The following QKI variants were observed in gnomAD, a reference collection of about 807,000 sequenced individuals.
QKI encodes QKI, KH domain containing RNA binding.
QKI carries 10 observed loss-of-function variants against 39.0 expected under a neutral mutation model. The observed-to-expected ratio is 0.26, with a 90% CI of 0.16 to 0.43. The LOEUF (loss-of-function observed/expected upper bound fraction) is 0.43. Ranked by LOEUF, QKI falls within the 20% of genes least tolerant of loss-of-function variation. The pLI is 1.00. For missense variants in QKI, 218 were observed against 428.0 expected, an observed-to-expected ratio of 0.51 and a Z score of 4.33; for synonymous variants, 204 against 155.4, an observed-to-expected ratio of 1.31 and a Z score of -2.33.
At chr6:163,502,377 A>G (rs531235847) in intron 3 of QKI, among the ~76,000 whole-genome samples, 1 of 152,262 alleles carries the variant, frequency 6.6e-6, no homozygotes, top group South Asian at 2.1e-4. Context: ...TATATTCTTA[A>G]TATTGGTTAA....
chr6:163,435,849 TTC>T (rs1418830643), intron 1 of QKI, among the ~76,000 whole-genome samples: 4 of 152,198 alleles, frequency 2.6e-5, no homozygotes, highest in African/African-American at 9.7e-5. Context: ...CTTTACTATT[TTC>T]TATTGTATTT....
At chr6:163,468,534 A>G (rs930225052) in intron 2 of QKI, among the ~76,000 whole-genome samples, 5 of 152,220 alleles carry the variant, frequency 3.3e-5, no homozygotes, top group Non-Finnish European at 4.4e-5. Context: ...GGAAAAATCT[A>G]TCATTTCCAT....
intron 2 of QKI, among the ~76,000 whole-genome samples, chr6:163,467,379 T>TA (rs1441923980): frequency 6.6e-6 from 1 of 152,242 alleles, no homozygotes; most frequent in Non-Finnish European, 1.5e-5. Context: ...GTTTAGAACT[T>TA]TCTCATATAA....
chr6:163,515,247 A>G (rs780009183), intron 3 of QKI, among the ~76,000 whole-genome samples: 7 of 152,164 alleles, frequency 4.6e-5, no homozygotes, highest in Non-Finnish European at 7.4e-5. Flanking sequence ...ATGGAGAAAT[A>G]TGAACTCCCA....
intron 1 of QKI, among the ~76,000 whole-genome samples, chr6:163,431,895 G>A (rs886439501): frequency 1.2e-4 from 18 of 149,656 alleles, no homozygotes; most frequent in African/African-American, 4.4e-4. Context: ...AGAGATCGTA[G>A]ACCCATTCTT....
intron 1 of QKI, among the ~76,000 whole-genome samples, chr6:163,439,536 T>G (rs1449281132): frequency 1.3e-5 from 2 of 151,584 alleles, no homozygotes; most frequent in East Asian, 3.9e-4. Context: ...GTATTCTTAG[T>G]AGAGATGGGG....
intron 6 of QKI, chr6:163,564,034 G>A (rs1783199199): frequency 1.7e-6 from 2 of 1,151,188 alleles, no homozygotes; most frequent in South Asian, 3.6e-5. Context: ...CACCCCATTG[G>A]CCCGTCACCT....
chr6:163,558,929 C>T (rs1782819119), intron 4 of QKI, among the ~76,000 whole-genome samples: 1 of 152,086 alleles, frequency 6.6e-6, no homozygotes, highest in African/African-American at 2.4e-5. Context: ...CACCATATGG[C>T]AGACTACACC....
At chr6:163,513,052 A>G (rs1194450131) in intron 3 of QKI, among the ~76,000 whole-genome samples, 1 of 152,130 alleles carries the variant, frequency 6.6e-6, no homozygotes, top group Non-Finnish European at 1.5e-5. Context: ...TCATTACAGT[A>G]TATTGTTATA....
chr6:163,517,691 T>C (rs771746886), intron 3 of QKI, among the ~76,000 whole-genome samples: 3 of 152,052 alleles, frequency 2.0e-5, no homozygotes, highest in Non-Finnish European at 2.9e-5. Flanking sequence ...TTATAGACCA[T>C]CCCAACTGGA....
At chr6:163,508,795 C>T (rs1018331861) in intron 3 of QKI, among the ~76,000 whole-genome samples, 2 of 151,750 alleles carry the variant, frequency 1.3e-5, no homozygotes, top group African/African-American at 4.8e-5. Flanking sequence ...TCCCAGAGTG[C>T]TAGGATTACA....
chr6:163,492,565 G>T (rs1228506126), intron 3 of QKI, among the ~76,000 whole-genome samples: 2 of 152,030 alleles, frequency 1.3e-5, no homozygotes, highest in Non-Finnish European at 2.9e-5. Context: ...TTTTAAAAAG[G>T]TCTGCAAAAA....
intron 3 of QKI, among the ~76,000 whole-genome samples, chr6:163,489,397 G>A (rs1015704530): frequency 1.3e-5 from 2 of 149,212 alleles, no homozygotes; most frequent in African/African-American, 4.9e-5. Flanking sequence ...TTGAGCATCT[G>A]TTAAAGGCAC....
intron 2 of QKI, among the ~76,000 whole-genome samples, chr6:163,472,278 A>C (rs1449206887): frequency 6.6e-6 from 1 of 152,210 alleles, no homozygotes; most frequent in Non-Finnish European, 1.5e-5. Context: ...TACGTTTATT[A>C]TTCATTAAGT....
intron 1 of QKI, among the ~76,000 whole-genome samples, chr6:163,439,051 C>A (rs1434737515): frequency 6.6e-6 from 1 of 152,126 alleles, no homozygotes; most frequent in Non-Finnish European, 1.5e-5. Flanking sequence ...CAAACACACA[C>A]ATTAACCTAG....
intron 4 of QKI, among the ~76,000 whole-genome samples, chr6:163,535,838 A>G (rs981983731): frequency 6.6e-6 from 1 of 152,154 alleles, no homozygotes; most frequent in African/African-American, 2.4e-5. Context: ...AGGCTGAGGC[A>G]TGAGAATCGC....
chr6:163,545,134 C>G (rs557714342), intron 4 of QKI, among the ~76,000 whole-genome samples: 1 of 152,184 alleles, frequency 6.6e-6, no homozygotes, highest in South Asian at 2.1e-4. Flanking sequence ...GTGTAAGGTA[C>G]TCTCATGGGT....
chr6:163,541,923 C>A (rs9365575), intron 4 of QKI, among the ~76,000 whole-genome samples: 9,059 of 151,920 alleles, frequency 0.06, 309 homozygotes, highest in South Asian at 0.09. Context: ...AAGGCGCATA[C>A]ATGTTCCTCC....
At chr6:163,416,757 A>AC (rs1787540981) in intron 1 of QKI, among the ~76,000 whole-genome samples, 1 of 152,206 alleles carries the variant, frequency 6.6e-6, no homozygotes, top group Admixed American at 6.5e-5. Flanking sequence ...TACAGCACTC[A>AC]CCAACGTTGA....
Sources: gnomAD v4.1 joint callset for allele counts (sites outside exome capture counted in the v4.1 genomes callset) on GRCh38, gnomAD v4.1.1 for gene constraint, MANE v1.5 for transcripts, NCBI Gene and HGNC (gene_info 2026-07-23, HGNC 2026-07-21) for gene names.